RIMS2: variants seen among roughly 807,000 people sequenced by gnomAD.
RIMS2 encodes regulating synaptic membrane exocytosis 2.
In RIMS2, 59 loss-of-function variants were observed where a neutral mutation model predicts 174.4. The ratio of observed to expected loss-of-function variants is 0.34; its 90% CI spans 0.27 to 0.42. The LOEUF (loss-of-function observed/expected upper bound fraction) is 0.42, where lower values mean the gene tolerates loss of function less well. RIMS2 is among the 10% of genes least tolerant of loss of function. The pLI, the probability that RIMS2 is intolerant of heterozygous loss-of-function variation, is 1.00. For synonymous variants in RIMS2, 606 were observed against 572.5 expected (o/e 1.06, Z -0.84); for missense variants, 1,620 against 1,666.3 (o/e 0.97, Z 0.48).
intron 1 of RIMS2, among the ~76,000 whole-genome samples, chr8:103,593,133 T>C (rs1003718098): frequency 3.3e-5 from 5 of 151,534 alleles, no homozygotes; most frequent in Admixed American, 6.6e-5. Context: ...TTGCCAATGA[T>C]AACATTTGAG....
chr8:103,626,496 C>T (rs896798227), intron 1 of RIMS2, among the ~76,000 whole-genome samples: 3 of 152,148 alleles, frequency 2.0e-5, no homozygotes, highest in Non-Finnish European at 4.4e-5. Flanking sequence ...TAATGTAGCA[C>T]ACAACATAAA....
intron 2 of RIMS2, among the ~76,000 whole-genome samples, chr8:103,748,455 C>G (rs1355171844): frequency 6.6e-6 from 1 of 151,906 alleles, no homozygotes; most frequent in Non-Finnish European, 1.5e-5. Flanking sequence ...CAAATACATA[C>G]ATACATACAT....
At chr8:104,124,130 C>T (rs1230738888) in intron 19 of RIMS2, among the ~76,000 whole-genome samples, 1 of 151,938 alleles carries the variant, frequency 6.6e-6, no homozygotes, top group African/African-American at 2.4e-5. Context: ...GAGAGAAAAA[C>T]AAAACTTTTT....
In RIMS2 at chr8:103,975,645, T is replaced by C. The variant is rs570018077; in HGVS notation, c.2927+139T>C. On this transcript the variant is annotated intron_variant, in intron 16 of 23. Coordinates refer to ENST00000504942, the Ensembl canonical transcript of RIMS2. ...TGGCTCATATGATTATAAGACAAAG[T>C]CCCACCATAGAATTTCTGCAAGCTG... The C allele has an allele frequency of 7.3e-5, 42 of 573,362 alleles. 1 individual carries two copies. The Middle Eastern group carries it at 6.1e-3, about 83-fold the overall frequency. 35.5% of individuals were successfully genotyped at this position (573,362 alleles called of 1,614,324 possible).
chr8:103,927,986 G>A (rs2079109454), intron 11 of RIMS2: 2 of 893,614 alleles, frequency 2.2e-6, no homozygotes, highest in Non-Finnish European at 3.5e-6. Flanking sequence ...TTTTTGTTAT[G>A]TTGCTCCAAA....
intron 3 of RIMS2, among the ~76,000 whole-genome samples, chr8:103,825,888 C>T (rs13280499): frequency 0.13 from 19,888 of 152,056 alleles, 1,761 homozygotes; most frequent in Non-Finnish European, 0.2. Context: ...CTCCCACCAA[C>T]AATGATTGAA....
At chr8:104,109,230 G>T (rs374797612) in intron 19 of RIMS2, among the ~76,000 whole-genome samples, 1 of 148,994 alleles carries the variant, frequency 6.7e-6, no homozygotes, top group Non-Finnish European at 1.5e-5. Flanking sequence ...CTGGGAGGTG[G>T]AGCTTGCAGT....
intron 1 of RIMS2, among the ~76,000 whole-genome samples, chr8:103,637,766 T>A (rs2096123573): frequency 6.6e-6 from 1 of 152,186 alleles, no homozygotes; most frequent in South Asian, 2.1e-4. Flanking sequence ...TTTATTCAAA[T>A]CTTACCATAT....
At chr8:103,830,686 A>G (rs563501384) in intron 3 of RIMS2, among the ~76,000 whole-genome samples, 1 of 152,270 alleles carries the variant, frequency 6.6e-6, no homozygotes, top group South Asian at 2.1e-4. Context: ...TTTTCTCTCA[A>G]TTGCTGAGAG....
chr8:103,628,992 G>C (rs886308017), intron 1 of RIMS2, among the ~76,000 whole-genome samples: 3 of 152,166 alleles, frequency 2.0e-5, no homozygotes, highest in Non-Finnish European at 4.4e-5. Context: ...CTCCATACCT[G>C]TGGGAATTGT....
chr8:103,533,360 G>T (rs570518888), intron 1 of RIMS2, among the ~76,000 whole-genome samples: 1 of 152,162 alleles, frequency 6.6e-6, no homozygotes, highest in East Asian at 1.9e-4. Context: ...CTTGACTCTT[G>T]GTGAATTGAC....
intron 4 of RIMS2, among the ~76,000 whole-genome samples, chr8:103,907,837 C>A (rs934653277): frequency 2.0e-5 from 3 of 151,670 alleles, no homozygotes; most frequent in African/African-American, 7.3e-5. Context: ...GTTCCGCCTC[C>A]CGGGTTCACG....
chr8:103,770,449 G>A (rs1272969912), intron 3 of RIMS2, among the ~76,000 whole-genome samples: 1 of 152,162 alleles, frequency 6.6e-6, no homozygotes, highest in African/African-American at 2.4e-5. Flanking sequence ...GATGGTGCAT[G>A]CCTATAATCC....
At chr8:103,553,305 A>T (rs902532358) in intron 1 of RIMS2, among the ~76,000 whole-genome samples, 14 of 152,160 alleles carry the variant, frequency 9.2e-5, no homozygotes, top group Admixed American at 9.2e-4. Context: ...AGGGACATGG[A>T]TGAAGCTGGA....
chr8:103,683,227 C>T (rs72679458), intron 1 of RIMS2, among the ~76,000 whole-genome samples: 3,238 of 152,300 alleles, frequency 0.021, 44 homozygotes, highest in Non-Finnish European at 0.035. Context: ...CACTGGCATC[C>T]GCTTGGCTTC....
At chr8:103,578,590 A>G (rs893962158) in intron 1 of RIMS2, among the ~76,000 whole-genome samples, 8 of 152,080 alleles carry the variant, frequency 5.3e-5, no homozygotes, top group Admixed American at 3.3e-4. Context: ...CCAACAACAT[A>G]TAAAGGAGCT....
chr8:104,102,153 T>C (rs1470388082), intron 19 of RIMS2, among the ~76,000 whole-genome samples: 1 of 152,178 alleles, frequency 6.6e-6, no homozygotes. Context: ...TCTGTCCTCC[T>C]GGGTTCTGCA....
chr8:103,690,203 G>T (rs763935950), intron 1 of RIMS2, among the ~76,000 whole-genome samples: 1 of 151,936 alleles, frequency 6.6e-6, no homozygotes, highest in Non-Finnish European at 1.5e-5. Context: ...ACCTCAAGTG[G>T]TCCCCCCACC....
intron 2 of RIMS2, among the ~76,000 whole-genome samples, chr8:103,717,834 A>C (rs905510454): frequency 6.6e-5 from 10 of 152,228 alleles, no homozygotes; most frequent in Non-Finnish European, 1.2e-4. Flanking sequence ...AATGTTTTAC[A>C]TCTTCACTAT....
Sources: allele counts gnomAD v4.1 joint callset (sites outside exome capture counted in the v4.1 genomes callset), GRCh38; gene constraint gnomAD v4.1.1; transcripts MANE v1.5; gene names NCBI Gene and HGNC (gene_info 2026-07-23, HGNC 2026-07-21).